Variants in WDFY1 observed in about 807,000 individuals in gnomAD.
WDFY1 encodes WD repeat and FYVE domain-containing protein 1.
Under a neutral mutation model 56.4 loss-of-function variants are expected in WDFY1, and 32 were observed. The observed-to-expected ratio is 0.57, with a 90% CI of 0.43 to 0.76. The LOEUF is 0.76. Ranked by LOEUF, WDFY1 falls within the 30% of genes least tolerant of loss-of-function variation. The pLI, the probability that WDFY1 is intolerant of heterozygous loss-of-function variation, is 0.00. For synonymous variants in WDFY1, 192 were observed against 197.3 expected (o/e 0.97, Z 0.23); for missense variants, 480 against 545.7 (o/e 0.88, Z 1.20).
In WDFY1 at chr2:223,906,520, C is replaced by T. The variant is rs1240016024; in HGVS notation, c.280-519G>A. On this transcript the variant is annotated intron_variant, in intron 3 of 11. Coordinates refer to ENST00000233055, the MANE Select transcript of WDFY1 (RefSeq NM_020830.5). Reference sequence around the variant, plus strand: ...GGGTGGTTTTTGTCTTTTTATGATCCCATATTTTCCAAATTTTATTTATTT... The same window carrying T: ...GGGTGGTTTTTGTCTTTTTATGATCTCATATTTTCCAAATTTTATTTATTT... Among the ~76,000 whole-genome samples, 4 of 151,888 alleles carry T rather than the reference C, an allele frequency of 2.6e-5. No individual in the cohort carries two copies. In the East Asian group the frequency reaches 7.7e-4, roughly 29 times the overall value.
intron 1 of WDFY1, among the ~76,000 whole-genome samples, chr2:223,941,265 CT>C (rs35595162): frequency 1.4e-4 from 21 of 149,048 alleles, no homozygotes; most frequent in East Asian, 2.0e-4. Context: ...CCCCCAAAAA[CT>C]TTTTTTTTTT....
In WDFY1 at chr2:223,894,299, G is replaced by A; in HGVS notation, c.766C>T (p.Gln256Ter). 1 of 1,614,194 alleles carries A rather than the reference G, an allele frequency of 6.2e-7. No individual in the cohort carries two copies. Among genetic ancestry groups the A allele is most frequent in the Admixed American group, 1.7e-5 (1 of 60,022 alleles). ...QSLCYLQLTR[Q>*]LVSCSSDGGI... ...CCGTCCGAGGAACAGGAGACGAGCT[G>A]CCTGGTGAGCTGAAGGTAGCACAGC... The change falls in exon 8 of 12, where the codon CAG becomes TAG. Residue 256 changes from glutamine (Q) to a stop codon, truncating the protein, a stop_gained. Transcript: ENST00000233055. LOFTEE classifies it high-confidence loss of function.
chr2:223,897,598 T>C (rs2106080229), intron 6 of WDFY1, among the ~76,000 whole-genome samples: 1 of 152,022 alleles, frequency 6.6e-6, no homozygotes, highest in Middle Eastern at 3.4e-3. Context: ...CAGGCTGGTC[T>C]CAAACTCCTG....
intron 8 of WDFY1, among the ~76,000 whole-genome samples, chr2:223,887,925 T>C (rs775828430): frequency 1.8e-4 from 27 of 152,192 alleles, no homozygotes; most frequent in Admixed American, 5.9e-4. Flanking sequence ...GTGGGTAGAA[T>C]TGAAGGCAAG....
At chr2:223,918,962 C>T (rs564354902) in intron 1 of WDFY1, among the ~76,000 whole-genome samples, 1 of 152,214 alleles carries the variant, frequency 6.6e-6, no homozygotes, top group Admixed American at 6.5e-5. Context: ...TGTGCCCATG[C>T]AGGAAAATGA....
intron 1 of WDFY1, among the ~76,000 whole-genome samples, chr2:223,919,490 C>T (rs988974974): frequency 2.0e-5 from 3 of 152,156 alleles, no homozygotes; most frequent in African/African-American, 4.8e-5. Flanking sequence ...GGATTACAGG[C>T]GTGAATCATC....
chr2:223,938,282 CCTTAA>C (rs1174895206), intron 1 of WDFY1, among the ~76,000 whole-genome samples: 2 of 152,144 alleles, frequency 1.3e-5, no homozygotes, highest in Non-Finnish European at 2.9e-5. Context: ...AGGCCTATAG[CCTTAA>C]CTTATTTATA....
intron 8 of WDFY1, among the ~76,000 whole-genome samples, chr2:223,891,240 A>G (rs1693270855): frequency 6.6e-6 from 1 of 151,884 alleles, no homozygotes; most frequent in Non-Finnish European, 1.5e-5. Context: ...AGCCAGGTAC[A>G]GGTATGGTGG....
chr2:223,932,988 A>C (rs1041128571), intron 1 of WDFY1, among the ~76,000 whole-genome samples: 1 of 151,926 alleles, frequency 6.6e-6, no homozygotes, highest in East Asian at 1.9e-4. Flanking sequence ...AATAAATAGC[A>C]ATTTCCTTCC....
chr2:223,930,205 T>G (rs1378589155), intron 1 of WDFY1, among the ~76,000 whole-genome samples: 10 of 152,210 alleles, frequency 6.6e-5, no homozygotes, highest in African/African-American at 2.4e-4. Context: ...ATATTGTATG[T>G]AAGTGCCTGT....
At chr2:223,895,714 G>A in intron 6 of WDFY1, 84 bp from the exon 7 acceptor site, 1 of 1,545,480 alleles carries the variant, frequency 6.5e-7, no homozygotes, top group Non-Finnish European at 8.7e-7. Flanking sequence ...ACATTTGACA[G>A]CTGAAGACCA....
intron 7 of WDFY1, among the ~76,000 whole-genome samples, chr2:223,894,799 C>G (rs1693335283): frequency 6.6e-6 from 1 of 152,144 alleles, no homozygotes; most frequent in South Asian, 2.1e-4. Flanking sequence ...AGACCTCTGT[C>G]CCTCCTGCAT....
At chr2:223,933,781 A>ACCC (rs373807476) in intron 1 of WDFY1, among the ~76,000 whole-genome samples, 7 of 128,674 alleles carry the variant, frequency 5.4e-5, no homozygotes, top group African/African-American at 1.4e-4. Context: ...ACATAGTGAG[A>ACCC]CCCCCCCCCA....
At position 223,891,041 on chromosome 2, in the gene WDFY1, T is replaced by A. The variant is rs192276168; in HGVS notation, c.831+3193A>T. Among the ~76,000 whole-genome samples, 215 of 152,136 alleles carry A rather than the reference T, an allele frequency of 1.4e-3. 2 individuals carry two copies. Among genetic ancestry groups the A allele is most frequent in the Middle Eastern group, 6.8e-3 (2 of 294 alleles). On this transcript the variant is annotated intron_variant, in intron 8 of 11. Transcript: ENST00000233055. The stretch of plus-strand genomic sequence containing the variant: ...AGGCAAGCATTGCAGAGCTAGAGGA[T>A]CTGGGATCAATCCTCTATGCCCTGG...
intron 4 of WDFY1, among the ~76,000 whole-genome samples, chr2:223,904,497 C>T (rs771371968): frequency 6.6e-6 from 1 of 152,156 alleles, no homozygotes; most frequent in African/African-American, 2.4e-5. Flanking sequence ...AAGTGATGTA[C>T]CTGCCTCAGG....
rs11695871 is a variant in WDFY1 at position 223,898,955 on chromosome 2, T to C, written c.598+3A>G. Reference sequence around the variant, plus strand: ...AAAACTCTTGGGTGATAATATAGCCTACCTTCATGTCCTTTGAGGGTTGTG... The same window carrying C: ...AAAACTCTTGGGTGATAATATAGCCCACCTTCATGTCCTTTGAGGGTTGTG... On this transcript the variant is annotated splice_donor_region_variant and intron_variant, in intron 6 of 11. Coordinates refer to ENST00000233055, the MANE Select transcript of WDFY1 (RefSeq NM_020830.5). 21,105 of 1,613,186 alleles carry C rather than the reference T, an allele frequency of 0.013. 160 individuals carry two copies. Among genetic ancestry groups the C allele is most frequent in the Non-Finnish European group, 0.016 (18,468 of 1,179,192 alleles).
At chr2:223,937,940 A>G (rs1346747443) in intron 1 of WDFY1, among the ~76,000 whole-genome samples, 2 of 152,234 alleles carry the variant, frequency 1.3e-5, no homozygotes, top group Non-Finnish European at 2.9e-5. Context: ...GATTGTTTCT[A>G]TGTGAACAAT....
At chr2:223,933,943 C>T (rs1202166893) in intron 1 of WDFY1, among the ~76,000 whole-genome samples, 2 of 97,770 alleles carry the variant, frequency 2.0e-5, no homozygotes, top group African/African-American at 8.1e-5. Context: ...GCCTGGGAGA[C>T]AGAGTGAGAC....
chr2:223,894,594 G>A (rs1288825068), intron 7 of WDFY1: 1 of 460,882 alleles, frequency 2.2e-6, no homozygotes. Flanking sequence ...GAGATTTGAT[G>A]AGGGCTATGG....
Sources: allele counts gnomAD v4.1 joint callset (sites outside exome capture counted in the v4.1 genomes callset), GRCh38; gene constraint gnomAD v4.1.1; transcripts MANE v1.5; gene names NCBI Gene and HGNC (gene_info 2026-07-23, HGNC 2026-07-21).